USP43: variants seen among roughly 807,000 people sequenced by gnomAD.
USP43 encodes the protein ubiquitin specific peptidase 43.
In USP43, 33 loss-of-function variants were observed where a neutral mutation model predicts 90.7. That is an observed-to-expected ratio of 0.36 (90% confidence interval 0.28 to 0.49). The LOEUF is 0.49. Ranked by LOEUF, USP43 falls within the 20% of genes least tolerant of loss-of-function variation. The pLI is 0.98. For synonymous variants in USP43, 598 were observed against 615.8 expected (o/e 0.97, Z 0.43); for missense variants, 1,274 against 1,476.4 (o/e 0.86, Z 2.25).
chr17:9,676,589 C>G (rs1025163342), intron 4 of USP43, among the ~76,000 whole-genome samples, 157 bp from the exon 5 acceptor site: 2 of 152,188 alleles, frequency 1.3e-5, no homozygotes, highest in Non-Finnish European at 2.9e-5. Context: ...CCAGGCTAGT[C>G]TCGAACTCTT....
Position 9,729,256 on chromosome 17 carries a change from A to G in USP43, c.*266A>G, listed in dbSNP as rs1166695042. 1 of 285,144 alleles carries G rather than the reference A, an allele frequency of 3.5e-6. No individual in the cohort carries two copies. The highest frequency in any genetic ancestry group is 6.4e-6 in the Non-Finnish European group (1 of 156,414). 17.7% of individuals were successfully genotyped at this position (285,144 alleles called of 1,614,324 possible). ...AGGATGCTATTGGGTCAGTATTACC[A>G]GTTTCAGGGCAAGAACTGATATTTA... is the stretch of plus-strand genomic sequence containing the variant. On this transcript the variant is annotated 3_prime_UTR_variant, in exon 15 of 15. Transcript: ENST00000285199.
In USP43 at chr17:9,701,273, C is replaced by A; in HGVS notation, c.1662+28C>A. ...CCCGCCCTGGGGGTCCATGCCCCGG[C>A]CGGGAAGGGGGCTGGCTGCCTTTGG... On this transcript the variant is annotated intron_variant, in intron 11 of 14. Transcript: ENST00000285199. This position sits in a 1 kb window ranked among gnomAD's most constrained non-coding sequence, Gnocchi z 7.2. The A allele has an allele frequency of 6.2e-7, 1 of 1,600,642 alleles. No individual in the cohort carries two copies.
intron 14 of USP43, among the ~76,000 whole-genome samples, chr17:9,718,750 G>C (rs934895506): frequency 6.6e-6 from 1 of 152,008 alleles, no homozygotes; most frequent in East Asian, 1.9e-4. Flanking sequence ...TGAGGCAGGA[G>C]AATTGCTTGA....
At chr17:9,708,521 C>T (rs1328006900) in intron 12 of USP43, among the ~76,000 whole-genome samples, 6 of 152,090 alleles carry the variant, frequency 3.9e-5, no homozygotes, top group Admixed American at 6.6e-5. Flanking sequence ...TGGGGCGGAA[C>T]GGAAAAGCAA....
intron 1 of USP43, among the ~76,000 whole-genome samples, chr17:9,652,196 C>T (rs1359897341): frequency 8.1e-6 from 1 of 124,098 alleles, no homozygotes; most frequent in East Asian, 2.2e-4. Context: ...CTGGTCAACA[C>T]AGCAAGCCCT....
chr17:9,653,595 G>GAA (rs59946486), intron 1 of USP43, among the ~76,000 whole-genome samples: 11,312 of 135,566 alleles, frequency 0.083, 425 homozygotes, highest in South Asian at 0.14. Context: ...TTCAAAAAAA[G>GAA]AAAAAAAAAA....
At chr17:9,715,703 G>A (rs1211419274) in intron 14 of USP43, among the ~76,000 whole-genome samples, 2 of 141,584 alleles carry the variant, frequency 1.4e-5, no homozygotes, top group South Asian at 2.2e-4. Context: ...GTGTGTCTGT[G>A]TGTGTCTCTG....
At position 9,686,926 on chromosome 17, in the gene USP43, C is replaced by T. The variant is rs530972425; in HGVS notation, c.1353+17C>T. The T allele has an allele frequency of 2.1e-4, 334 of 1,568,446 alleles. No homozygotes were observed. In the East Asian group the frequency reaches 3.0e-3, roughly 14 times the overall value. On this transcript the variant is annotated intron_variant, in intron 8 of 14. Transcript: ENST00000285199. The surrounding 1 kb of genome is among the most constrained non-coding windows in gnomAD (Gnocchi z 5.5). The stretch of plus-strand genomic sequence containing the variant: ...CCTGTACAGGTCAGTGGTGTGCATG[C>T]GTGTGTGTGTGTGTGCGTGCATGCG...
rs1917444633 is a variant in USP43 at position 9,729,068 on chromosome 17, G to A, written c.*78G>A. ...ACTGTAGGCAGCTCATGTTGAGAATGGGTTTCCAGGAAACCCGTTGTCTTG... is the reference window on the plus strand; with the variant it reads ...ACTGTAGGCAGCTCATGTTGAGAATAGGTTTCCAGGAAACCCGTTGTCTTG... On this transcript the variant is annotated 3_prime_UTR_variant, in exon 15 of 15. Transcript: ENST00000285199. The A allele has an allele frequency of 2.2e-6, 3 of 1,361,344 alleles. No individual in the cohort carries two copies. Among genetic ancestry groups the A allele is most frequent in the Non-Finnish European group, 1.9e-6 (2 of 1,041,150 alleles). 84.3% of individuals were successfully genotyped at this position (1,361,344 alleles called of 1,614,324 possible). A position where few individuals can be genotyped will look rare whatever the true frequency, so the allele number is the denominator to read the frequency against.
At chr17:9,662,820 CT>C (rs758792118) in intron 2 of USP43, among the ~76,000 whole-genome samples, 274 of 140,698 alleles carry the variant, frequency 1.9e-3, no homozygotes, top group Middle Eastern at 3.6e-3. Flanking sequence ...TATATGATCT[CT>C]TTTTTTTTTT....
chr17:9,704,799 T>C (rs1915784781), intron 12 of USP43, among the ~76,000 whole-genome samples: 1 of 151,586 alleles, frequency 6.6e-6, no homozygotes, highest in Non-Finnish European at 1.5e-5. Flanking sequence ...ACCCCTTCCT[T>C]GCAGAGGCGA....
intron 9 of USP43, among the ~76,000 whole-genome samples, chr17:9,697,250 G>GA (rs1475114261): frequency 6.6e-6 from 1 of 151,686 alleles, no homozygotes; most frequent in African/African-American, 2.4e-5. Context: ...AAATAAAAAA[G>GA]ATAAAAATTT....
intron 5 of USP43, among the ~76,000 whole-genome samples, chr17:9,679,199 T>TATGA (rs533416737): frequency 1.5e-3 from 235 of 152,214 alleles, no homozygotes; most frequent in African/African-American, 5.2e-3. Context: ...TCTATGTATT[T>TATGA]ATGAATGAAT....
chr17:9,662,297 G>T (rs561223825), intron 2 of USP43, among the ~76,000 whole-genome samples: 1 of 152,214 alleles, frequency 6.6e-6, no homozygotes, highest in Non-Finnish European at 1.5e-5. Flanking sequence ...GTCAAAATAG[G>T]CTAGGGTCCG....
intron 14 of USP43, among the ~76,000 whole-genome samples, chr17:9,720,339 AAG>A (rs1286641922): frequency 5.0e-4 from 73 of 145,154 alleles, no homozygotes; most frequent in Admixed American, 1.4e-3. Flanking sequence ...AAAAAAAAAA[AAG>A]AAAGAAAGAA....
At chr17:9,683,600 G>A (rs1447306550) in intron 7 of USP43, among the ~76,000 whole-genome samples, 2 of 152,004 alleles carry the variant, frequency 1.3e-5, no homozygotes, top group African/African-American at 4.8e-5. Flanking sequence ...TTAGTAATAT[G>A]AAATACATCA....
chr17:9,680,277 T>G lies in USP43; in HGVS notation c.1016T>G (p.Phe339Cys), dbSNP rs1914079805. The G allele has an allele frequency of 1.9e-6, 3 of 1,613,840 alleles. No homozygotes were observed. The highest frequency in any genetic ancestry group is 1.7e-6 in the Non-Finnish European group (2 of 1,179,858). ...LYPSGFQRSF[F>C]DEEDLNTIAE... ...CCCAGTGGATTCCAGCGGTCTTTCT[T>G]TGATGAAGAGGACCTGAATACCATC... Residue 339 changes from phenylalanine to cysteine, a missense_variant, in exon 6 of 15, where the codon TTT becomes TGT. Phe to Cys is a radical substitution (Grantham distance 205, BLOSUM62 -2). Coordinates refer to ENST00000285199, the MANE Select transcript of USP43 (RefSeq NM_153210.5).
chr17:9,649,873 A>C (rs1270880931), intron 1 of USP43, among the ~76,000 whole-genome samples: 1 of 152,096 alleles, frequency 6.6e-6, no homozygotes, highest in African/African-American at 2.4e-5. Flanking sequence ...ATACACAACA[A>C]TCATTAATAA....
chr17:9,656,510 A>G lies in USP43; in HGVS notation c.612A>G (p.Ser204=). ...LDRVHEDLEG[S]SRGPVSEKLP... is the part of the protein sequence containing the mutation. ...GTGTACATGAGGACCTGGAGGGTTC[A>G]TCCCGAGGGCCGGTGTCGGAGAAGG... Residue 204 remains serine, a synonymous_variant, in exon 2 of 15, where the codon TCA becomes TCG. Transcript: ENST00000285199. 3 of 1,611,632 alleles carry G rather than the reference A, an allele frequency of 1.9e-6. No individual in the cohort carries two copies. The highest frequency in any genetic ancestry group is 2.5e-6 in the Non-Finnish European group (3 of 1,179,020).
Sources: allele counts gnomAD v4.1 joint callset (sites outside exome capture counted in the v4.1 genomes callset), GRCh38; gene constraint gnomAD v4.1.1; non-coding constraint Gnocchi (gnomAD v3.1); transcripts MANE v1.5; gene names NCBI Gene and HGNC (gene_info 2026-07-23, HGNC 2026-07-21).